The following ACVR1C variants were observed in gnomAD, a reference collection of about 807,000 sequenced individuals.
The protein encoded by ACVR1C is activin A receptor type 1C.
A neutral mutation model predicts 57.9 loss-of-function variants in ACVR1C; 23 were observed. The ratio of observed to expected loss-of-function variants is 0.40; its 90% CI spans 0.29 to 0.56. The LOEUF (loss-of-function observed/expected upper bound fraction) is 0.56. Among genes scored for constraint, ACVR1C ranks in the 20% least tolerant of loss-of-function variants. The probability of loss-of-function intolerance (pLI) is 0.50; values close to 1 mark genes in which losing one functional copy is unlikely to be tolerated. For missense variants in ACVR1C, 480 were observed against 607.9 expected, an observed-to-expected ratio of 0.79 and a Z score of 2.21; for synonymous variants, 214 against 215.3, an observed-to-expected ratio of 0.99 and a Z score of 0.05.
intron 4 of ACVR1C, among the ~76,000 whole-genome samples, chr2:157,548,817 T>C (rs1430663349): frequency 6.6e-6 from 1 of 152,194 alleles, no homozygotes; most frequent in Non-Finnish European, 1.5e-5. Flanking sequence ...GGCCTCAAGA[T>C]ACAAATCATG....
intron 2 of ACVR1C, among the ~76,000 whole-genome samples, chr2:157,564,890 AG>A (rs948891280): frequency 3.9e-5 from 6 of 152,170 alleles, no homozygotes; most frequent in African/African-American, 1.4e-4. Context: ...TCACTTATTA[AG>A]TGGGAGTTGA....
At position 157,532,946 on chromosome 2, in the gene ACVR1C, G is replaced by C. The variant is rs1440120681; in HGVS notation, c.*972C>G. On this transcript the variant is annotated 3_prime_UTR_variant, in exon 9 of 9. Coordinates refer to ENST00000243349, the MANE Select transcript of ACVR1C (RefSeq NM_145259.3). ...AATATTTATGTTTGATTAATCTTTG[G>C]AAGTGTTCAGAAAACATTAATGCTC... is the stretch of plus-strand genomic sequence containing the variant. 1 of 151,958 alleles carries C rather than the reference G, an allele frequency of 6.6e-6. No individual in the cohort carries two copies. Among genetic ancestry groups the C allele is most frequent in the African/African-American group, 2.4e-5 (1 of 41,384 alleles). The allele number at this position is 151,958 out of a possible 1,614,324, so 9.4% of individuals were successfully genotyped here.
intron 8 of ACVR1C, among the ~76,000 whole-genome samples, chr2:157,535,653 C>A (rs1051963001): frequency 6.6e-6 from 1 of 152,116 alleles, no homozygotes; most frequent in Non-Finnish European, 1.5e-5. Flanking sequence ...CATAGTGGTG[C>A]ATGCCTGTAA....
At chr2:157,551,982 G>A (rs548012862) in intron 3 of ACVR1C, among the ~76,000 whole-genome samples, 7 of 152,312 alleles carry the variant, frequency 4.6e-5, no homozygotes, top group South Asian at 2.1e-4. Context: ...TTTAGAGATG[G>A]CAAAACTGAG....
At chr2:157,598,665 G>C (rs1260432655) in intron 1 of ACVR1C, among the ~76,000 whole-genome samples, 2 of 151,228 alleles carry the variant, frequency 1.3e-5, no homozygotes, top group Non-Finnish European at 2.9e-5. Context: ...TCAGCCTTCC[G>C]AGTAGCTGGG....
intron 2 of ACVR1C, among the ~76,000 whole-genome samples, chr2:157,573,738 A>G: frequency 6.6e-6 from 1 of 152,118 alleles, no homozygotes; most frequent in East Asian, 1.9e-4. Context: ...CATCATCATT[A>G]TTTCTCTGAG....
At position 157,530,640 on chromosome 2, in the gene ACVR1C, T is replaced by G. The variant is rs1309179595; in HGVS notation, c.*3278A>C. Reference sequence around the variant, plus strand: ...TTTTCAGATACTGCAACCAGGTTACTATTTTCATACAATCATGGAAATTTA... The same window carrying G: ...TTTTCAGATACTGCAACCAGGTTACGATTTTCATACAATCATGGAAATTTA... On this transcript the variant is annotated 3_prime_UTR_variant, in exon 9 of 9. Transcript: ENST00000243349. 4 of 152,138 alleles carry G rather than the reference T, an allele frequency of 2.6e-5. No individual in the cohort carries two copies. Among genetic ancestry groups the G allele is most frequent in the African/African-American group, 9.7e-5 (4 of 41,438 alleles). 9.4% of individuals were successfully genotyped at this position (152,138 alleles called of 1,614,324 possible).
At chr2:157,552,150 T>G (rs1176706370) in intron 3 of ACVR1C, among the ~76,000 whole-genome samples, 1 of 152,146 alleles carries the variant, frequency 6.6e-6, no homozygotes, top group Non-Finnish European at 1.5e-5. Flanking sequence ...GTTTGTTTGT[T>G]TTTTGAGATG....
At chr2:157,620,515 G>T (rs905807646) in intron 1 of ACVR1C, among the ~76,000 whole-genome samples, 2 of 151,900 alleles carry the variant, frequency 1.3e-5, no homozygotes, top group Admixed American at 6.6e-5. Flanking sequence ...AAACAATCTG[G>T]TTTTTTTAAG....
chr2:157,588,878 T>TATATATATATAC (rs1318681791), intron 1 of ACVR1C, among the ~76,000 whole-genome samples: 6 of 139,940 alleles, frequency 4.3e-5, no homozygotes, highest in Non-Finnish European at 7.7e-5. Flanking sequence ...TATATATATA[T>TATATATATATAC]ACGTGTGTGT....
chr2:157,550,838 T>G (rs898068998), intron 3 of ACVR1C, among the ~76,000 whole-genome samples: 1 of 151,628 alleles, frequency 6.6e-6, no homozygotes, highest in Non-Finnish European at 1.5e-5. Flanking sequence ...AAAACCAAGC[T>G]CAAATTGGAA....
intron 1 of ACVR1C, among the ~76,000 whole-genome samples, chr2:157,613,930 G>T (rs1682589077): frequency 6.6e-6 from 1 of 152,104 alleles, no homozygotes; most frequent in Non-Finnish European, 1.5e-5. Context: ...ATGTAGAATA[G>T]ACATTATTTC....
At chr2:157,558,261 CT>C (rs1688150173) in intron 2 of ACVR1C, among the ~76,000 whole-genome samples, 1 of 152,208 alleles carries the variant, frequency 6.6e-6, no homozygotes, top group African/African-American at 2.4e-5. Context: ...AAAGCAATAG[CT>C]TGACACCAGC....
intron 1 of ACVR1C, among the ~76,000 whole-genome samples, chr2:157,611,704 T>A (rs1682538689): frequency 6.6e-6 from 1 of 152,180 alleles, no homozygotes; most frequent in Non-Finnish European, 1.5e-5. Flanking sequence ...GGGTATATTT[T>A]GTCAGTGGTG....
chr2:157,554,203 G>C (rs867307294), intron 3 of ACVR1C, among the ~76,000 whole-genome samples: 2 of 46,868 alleles, frequency 4.3e-5, no homozygotes, highest in Middle Eastern at 7.8e-3. Context: ...AAAGAAGAGA[G>C]AAAGAAAGAA....
At chr2:157,627,834 A>G (rs576838157) in intron 1 of ACVR1C, among the ~76,000 whole-genome samples, 1 of 152,386 alleles carries the variant, frequency 6.6e-6, no homozygotes, top group African/African-American at 2.4e-5. Context: ...GATTTTACCA[A>G]AGATGCATTT....
chr2:157,558,340 C>T (rs1213784471), intron 2 of ACVR1C, among the ~76,000 whole-genome samples: 2 of 152,206 alleles, frequency 1.3e-5, no homozygotes, highest in Non-Finnish European at 2.9e-5. Context: ...CAGATGTCCT[C>T]TTTGCACTGA....
intron 1 of ACVR1C, among the ~76,000 whole-genome samples, chr2:157,600,880 A>T (rs1407856075): frequency 1.3e-5 from 2 of 152,190 alleles, no homozygotes; most frequent in African/African-American, 4.8e-5. Context: ...GTGCAAACAT[A>T]AAAAGGGCGC....
intron 1 of ACVR1C, among the ~76,000 whole-genome samples, chr2:157,620,655 A>G (rs1285921941): frequency 7.2e-5 from 11 of 152,148 alleles, no homozygotes; most frequent in Non-Finnish European, 1.3e-4. Flanking sequence ...ATGGGATACA[A>G]TGTGATGTTT....
Sources: gnomAD v4.1 joint callset for allele counts (sites outside exome capture counted in the v4.1 genomes callset) on GRCh38, gnomAD v4.1.1 for gene constraint, MANE v1.5 for transcripts, NCBI Gene and HGNC (gene_info 2026-07-23, HGNC 2026-07-21) for gene names.